The following TMEM135 variants were observed in gnomAD, a reference collection of about 807,000 sequenced individuals.
TMEM135 encodes the protein peroxisomal membrane protein 52.
Under a neutral mutation model 60.3 loss-of-function variants are expected in TMEM135, and 30 were observed. That is an observed-to-expected ratio of 0.50 (90% confidence interval 0.37 to 0.68). TMEM135 has a LOEUF of 0.68. TMEM135 is among the 30% of genes least tolerant of loss of function. The pLI is 0.00. For missense variants in TMEM135, 468 were observed against 548.8 expected (o/e 0.85, Z 1.47); for synonymous variants, 190 against 186.7 (o/e 1.02, Z -0.14).
intron 3 of TMEM135, among the ~76,000 whole-genome samples, chr11:87,072,440 G>A (rs1856788782): frequency 6.6e-6 from 1 of 152,052 alleles, no homozygotes; most frequent in Non-Finnish European, 1.5e-5. Context: ...GAGTGCAGTG[G>A]TGCGACCTCG....
In TMEM135 at chr11:87,309,604, T is replaced by C; in HGVS notation, c.868T>C (p.Ser290Pro). The change falls in exon 10 of 15, where the codon TCT becomes CCT. Residue 290 changes from serine (S) to proline (P), a missense_variant. By Grantham distance (74) the Ser-to-Pro change is moderately conservative (BLOSUM62 -1). Transcript: ENST00000305494. ...GTTTACACAGCCATCTCGGCTACTTTCTCTCTTCTACAATAAAGAAAACTT... is the reference window on the plus strand; with the variant it reads ...GTTTACACAGCCATCTCGGCTACTTCCTCTCTTCTACAATAAAGAAAACTT... ...HLFTQPSRLL[S>P]LFYNKENFQL... 1 of 1,613,926 alleles carries C rather than the reference T, an allele frequency of 6.2e-7. No individual in the cohort carries two copies. The highest frequency in any genetic ancestry group is 8.5e-7 in the Non-Finnish European group (1 of 1,179,842).
At chr11:87,271,092 G>A in intron 6 of TMEM135, among the ~76,000 whole-genome samples, 1 of 151,922 alleles carries the variant, frequency 6.6e-6, no homozygotes, top group East Asian at 1.9e-4. Context: ...TGCTATATCA[G>A]GTTACCTATC....
chr11:87,042,282 C>G (rs1949756717), intron 1 of TMEM135, among the ~76,000 whole-genome samples: 1 of 152,146 alleles, frequency 6.6e-6, no homozygotes, highest in Admixed American at 6.6e-5. Context: ...TTCTTCTTGG[C>G]CTCTCTGAGC....
At position 87,147,052 on chromosome 11, in the gene TMEM135, C is replaced by T. The variant is rs141612287; in HGVS notation, c.397-10289C>T. Among the ~76,000 whole-genome samples the T allele has an allele frequency of 5.8e-4, 88 of 152,044 alleles. 1 individual carries two copies. The East Asian group carries it at 0.015, about 25-fold the overall frequency. ...ATGATTGAAATATATTATAATAATA[C>T]TCCTCACACCAGTAATCCCAGCACT... On this transcript the variant is annotated intron_variant, in intron 4 of 14. Coordinates refer to ENST00000305494, the MANE Select transcript of TMEM135 (RefSeq NM_022918.4).
At chr11:87,121,673 C>A (rs484512) in intron 4 of TMEM135, 1 of 121,674 alleles carries the variant, frequency 8.2e-6, no homozygotes, top group Non-Finnish European at 1.6e-5. Context: ...TGGAGTCTTA[C>A]CCTATTGCCA....
intron 4 of TMEM135, among the ~76,000 whole-genome samples, chr11:87,152,239 C>G (rs1318344512): frequency 6.6e-6 from 1 of 152,074 alleles, no homozygotes; most frequent in Non-Finnish European, 1.5e-5. Context: ...TTCTGTCTGT[C>G]CCTTATTGTG....
chr11:87,275,310 G>A (rs1313603738), intron 6 of TMEM135, among the ~76,000 whole-genome samples: 1 of 151,952 alleles, frequency 6.6e-6, no homozygotes, highest in African/African-American at 2.4e-5. Flanking sequence ...AAAAGGCATG[G>A]CATGAAGTCA....
chr11:87,072,623 C>A lies in TMEM135; in HGVS notation c.362+1008C>A, dbSNP rs554397730. On this transcript the variant is annotated intron_variant, in intron 3 of 14. Transcript: ENST00000305494. ...GTCTCAAACTCCTGACCTTGTGATC[C>A]GCCCGCCTTGGCCTCCCAAAGTGCT... Among the ~76,000 whole-genome samples the A allele has an allele frequency of 1.9e-4, 29 of 152,070 alleles. No individual in the cohort carries two copies. The East Asian group carries it at 5.2e-3, about 27-fold the overall frequency.
chr11:87,170,116 C>G (rs181647766), intron 5 of TMEM135, among the ~76,000 whole-genome samples: 2 of 151,996 alleles, frequency 1.3e-5, no homozygotes, highest in Non-Finnish European at 2.9e-5. Context: ...AGTTCTCATG[C>G]TGTGTTTTTC....
chr11:87,259,331 A>G (rs1941595834), intron 6 of TMEM135: 2 of 314,158 alleles, frequency 6.4e-6, no homozygotes, highest in Non-Finnish European at 6.3e-6. Context: ...TGTACTTGCC[A>G]TGGATAATTT....
chr11:87,307,680 T>C (rs933451289), intron 9 of TMEM135, among the ~76,000 whole-genome samples: 8 of 152,222 alleles, frequency 5.3e-5, no homozygotes, highest in African/African-American at 1.9e-4. Flanking sequence ...CCGTATTATA[T>C]CCATGAATGT....
At chr11:87,198,740 T>G (rs540126834) in intron 5 of TMEM135, among the ~76,000 whole-genome samples, 22 of 151,858 alleles carry the variant, frequency 1.4e-4, no homozygotes, top group African/African-American at 5.3e-4. Context: ...CAAGTGATGA[T>G]TCAACATGTA....
At chr11:87,097,444 G>A (rs1857355512) in intron 4 of TMEM135, among the ~76,000 whole-genome samples, 1 of 152,156 alleles carries the variant, frequency 6.6e-6, no homozygotes, top group Admixed American at 6.5e-5. Flanking sequence ...AAAACCTAGT[G>A]CTGTTCATCA....
intron 9 of TMEM135, among the ~76,000 whole-genome samples, chr11:87,306,309 G>A (rs1942542280): frequency 6.6e-6 from 1 of 152,160 alleles, no homozygotes; most frequent in Non-Finnish European, 1.5e-5. Flanking sequence ...ATTAAAATTT[G>A]TACTTTGTAA....
rs772521617 is a variant in TMEM135 at position 87,302,305 on chromosome 11, A to G, written c.561A>G (p.Val187=). 1 of 1,613,556 alleles carries G rather than the reference A, an allele frequency of 6.2e-7. No individual in the cohort carries two copies. The change falls in exon 8 of 15, where the codon GTA becomes GTG. Residue 187 remains valine, a synonymous_variant. Transcript: ENST00000305494. ...GFTFSALRFI[V]GKEEIPTHSF... ...GTGCTCTTTTCTTTAGGTTCATTGT[A>G]GGGAAGGAAGAAATTCCCACACATT... is the stretch of plus-strand genomic sequence containing the variant.
At chr11:87,058,390 C>T (rs1380228520) in intron 1 of TMEM135, among the ~76,000 whole-genome samples, 1 of 151,550 alleles carries the variant, frequency 6.6e-6, no homozygotes, top group Non-Finnish European at 1.5e-5. Flanking sequence ...AGTGCAGTGG[C>T]GTGATCTTGG....
intron 4 of TMEM135, among the ~76,000 whole-genome samples, chr11:87,147,738 T>C (rs1938453790): frequency 6.6e-6 from 1 of 152,190 alleles, no homozygotes; most frequent in African/African-American, 2.4e-5. Flanking sequence ...TCTAGCACTG[T>C]TCTTAAAAAC....
At chr11:87,304,584 A>G (rs1277903781) in intron 8 of TMEM135, among the ~76,000 whole-genome samples, 2 of 152,222 alleles carry the variant, frequency 1.3e-5, no homozygotes, top group East Asian at 3.8e-4. Context: ...TTCTAAAGAT[A>G]TAAGGGCTGT....
chr11:87,122,253 A>G (rs1937610061), intron 4 of TMEM135, among the ~76,000 whole-genome samples: 1 of 150,098 alleles, frequency 6.7e-6, no homozygotes, highest in Admixed American at 6.6e-5. Context: ...CTGTCATCTA[A>G]GTTATTTCGC....
Sources: allele counts gnomAD v4.1 joint callset (sites outside exome capture counted in the v4.1 genomes callset), GRCh38; gene constraint gnomAD v4.1.1; transcripts MANE v1.5; gene names NCBI Gene and HGNC (gene_info 2026-07-23, HGNC 2026-07-21).